KSR2: variants seen among roughly 807,000 people sequenced by gnomAD.
The protein encoded by KSR2 is kinase suppressor of ras 2.
A neutral mutation model predicts 107.8 loss-of-function variants in KSR2; 25 were observed. That is an observed-to-expected ratio of 0.23 (90% CI 0.17 to 0.32). The LOEUF is 0.32. Among genes scored for constraint, KSR2 ranks in the 10% least tolerant of loss-of-function variants. The probability of loss-of-function intolerance (pLI) is 1.00; values close to 1 mark genes in which losing one functional copy is unlikely to be tolerated. For synonymous variants in KSR2, 480 were observed against 507.0 expected, an observed-to-expected ratio of 0.95 and a Z score of 0.71; for missense variants, 887 against 1,268.9, an observed-to-expected ratio of 0.70 and a Z score of 4.57.
intron 4 of KSR2, among the ~76,000 whole-genome samples, chr12:117,747,493 A>G (rs1565993619): frequency 6.6e-6 from 1 of 152,098 alleles, no homozygotes; most frequent in Non-Finnish European, 1.5e-5. Context: ...TGTGGGGCTT[A>G]AAACCTAGAT....
intron 10 of KSR2, among the ~76,000 whole-genome samples, chr12:117,535,334 A>G (rs1250369416): frequency 6.6e-6 from 1 of 152,214 alleles, no homozygotes; most frequent in African/African-American, 2.4e-5. Flanking sequence ...GGAGTGGTGA[A>G]TGAAGACACA....
intron 12 of KSR2, among the ~76,000 whole-genome samples, chr12:117,530,047 C>T (rs1358242203): frequency 6.6e-6 from 1 of 151,772 alleles, no homozygotes; most frequent in African/African-American, 2.4e-5. Context: ...AAACAAAAAC[C>T]AACAATGTCT....
chr12:117,696,904 G>A (rs1033723411), intron 4 of KSR2, among the ~76,000 whole-genome samples: 1 of 152,114 alleles, frequency 6.6e-6, no homozygotes, highest in African/African-American at 2.4e-5. Context: ...CCTGAGACTG[G>A]ACGTGTTAAG....
intron 1 of KSR2, among the ~76,000 whole-genome samples, chr12:117,957,772 C>CACAT (rs397719035): frequency 3.4e-4 from 51 of 150,452 alleles, no homozygotes; most frequent in Non-Finnish European, 4.4e-5. Context: ...CACACACACA[C>CACAT]GCACACCTTT....
At chr12:117,739,286 A>C (rs4767608) in intron 4 of KSR2, among the ~76,000 whole-genome samples, 107,415 of 151,802 alleles carry the variant, frequency 0.71, 38,512 homozygotes, top group South Asian at 0.87. Context: ...ACCTGGGAGG[A>C]GGAGCTTGCA....
intron 17 of KSR2, among the ~76,000 whole-genome samples, chr12:117,473,375 G>A (rs1871594710): frequency 6.6e-6 from 1 of 152,192 alleles, no homozygotes; most frequent in Non-Finnish European, 1.5e-5. Context: ...GGAAACTGAT[G>A]CCCAGAAAGG....
intron 1 of KSR2, among the ~76,000 whole-genome samples, chr12:117,930,957 G>A (rs1895681019): frequency 6.6e-6 from 1 of 151,986 alleles, no homozygotes; most frequent in Non-Finnish European, 1.5e-5. Context: ...GGGTTGATGT[G>A]GATCTTTCAA....
At chr12:117,590,890 A>AT (rs1050167335) in intron 5 of KSR2, among the ~76,000 whole-genome samples, 7 of 152,130 alleles carry the variant, frequency 4.6e-5, no homozygotes, top group African/African-American at 7.2e-5. Flanking sequence ...CAGCAGAAAG[A>AT]TTTTTTCCAT....
At chr12:117,833,719 T>C (rs546903735) in intron 3 of KSR2, among the ~76,000 whole-genome samples, 1 of 152,212 alleles carries the variant, frequency 6.6e-6, no homozygotes, top group Non-Finnish European at 1.5e-5. Context: ...ATCATGAATA[T>C]TCAGAAAAGA....
At chr12:117,635,698 G>T (rs1224020431) in intron 5 of KSR2, among the ~76,000 whole-genome samples, 1 of 152,080 alleles carries the variant, frequency 6.6e-6, no homozygotes, top group Non-Finnish European at 1.5e-5. Flanking sequence ...TAGTACAAAA[G>T]AGTTCTCATA....
intron 1 of KSR2, among the ~76,000 whole-genome samples, chr12:117,863,407 A>G (rs1893374490): frequency 1.3e-5 from 2 of 152,168 alleles, no homozygotes; most frequent in Non-Finnish European, 2.9e-5. Flanking sequence ...ATGGAGTCAC[A>G]TTCCCAGCCA....
At chr12:117,719,625 C>G (rs555102624) in intron 4 of KSR2, among the ~76,000 whole-genome samples, 1 of 152,278 alleles carries the variant, frequency 6.6e-6, no homozygotes, top group South Asian at 2.1e-4. Context: ...AATCATTGAC[C>G]CTGAAGCCAA....
At chr12:117,592,121 C>CT (rs879610889) in intron 5 of KSR2, among the ~76,000 whole-genome samples, 264 of 142,224 alleles carry the variant, frequency 1.9e-3, no homozygotes, top group Middle Eastern at 7.2e-3. Flanking sequence ...TTCCCCCCAA[C>CT]TTTTTTTTTT....
At chr12:117,592,117 CCAA>C (rs1174759045) in intron 5 of KSR2, among the ~76,000 whole-genome samples, 2 of 151,726 alleles carry the variant, frequency 1.3e-5, no homozygotes, top group Non-Finnish European at 2.9e-5. Context: ...CGCTTTCCCC[CCAA>C]CTTTTTTTTT....
intron 18 of KSR2, among the ~76,000 whole-genome samples, chr12:117,470,573 T>C (rs950372661): frequency 5.9e-5 from 9 of 152,274 alleles, no homozygotes; most frequent in African/African-American, 2.2e-4. Flanking sequence ...AATCCTGGGG[T>C]CTCCATCCAT....
Position 117,463,521 on chromosome 12 carries a change from T to C in KSR2, c.*3678A>G, listed in dbSNP as rs570590945. 3 of 152,382 alleles carry C rather than the reference T, an allele frequency of 2.0e-5. No individual in the cohort carries two copies. Among genetic ancestry groups the C allele is most frequent in the Admixed American group, 2.0e-4 (3 of 15,306 alleles). 9.4% of individuals were successfully genotyped at this position (152,382 alleles called of 1,614,324 possible). On this transcript the variant is annotated 3_prime_UTR_variant, in exon 20 of 20. Transcript: ENST00000339824. The stretch of plus-strand genomic sequence containing the variant: ...ATAGGAGCAGCCGTGGTTGTGTAAA[T>C]GGAGAGGTGACTGTGCTCCAATAAC...
chr12:117,671,633 G>T (rs1382285808), intron 4 of KSR2, among the ~76,000 whole-genome samples: 1 of 152,222 alleles, frequency 6.6e-6, no homozygotes, highest in Non-Finnish European at 1.5e-5. Flanking sequence ...CAGGAACCAT[G>T]TGGTTTACCC....
chr12:117,959,869 T>G (rs1896611220), intron 1 of KSR2, among the ~76,000 whole-genome samples: 1 of 151,756 alleles, frequency 6.6e-6, no homozygotes, highest in South Asian at 2.1e-4. Context: ...AGGTCGAGGC[T>G]TCAGTGAGCC....
At chr12:117,875,698 C>T (rs2137301381) in intron 1 of KSR2, among the ~76,000 whole-genome samples, 1 of 152,300 alleles carries the variant, frequency 6.6e-6, no homozygotes, top group African/African-American at 2.4e-5. Flanking sequence ...GAGAGCTCTT[C>T]TGTCAGCTTT....
Sources: gnomAD v4.1 joint callset for allele counts (sites outside exome capture counted in the v4.1 genomes callset) on GRCh38, gnomAD v4.1.1 for gene constraint, MANE v1.5 for transcripts, NCBI Gene and HGNC (gene_info 2026-07-23, HGNC 2026-07-21) for gene names.